Variants in ARHGAP15 observed in about 807,000 individuals in gnomAD.
The protein encoded by ARHGAP15 is rho GTPase-activating protein 15.
Under a neutral mutation model 63.7 loss-of-function variants are expected in ARHGAP15, and 51 were observed. The ratio of observed to expected loss-of-function variants is 0.80; its 90% confidence interval spans 0.64 to 1.01. ARHGAP15 has a LOEUF of 1.01. ARHGAP15 is among the 50% of genes least tolerant of loss of function. ARHGAP15 has a pLI of 0.00. For synonymous variants in ARHGAP15, 191 were observed against 193.8 expected, an observed-to-expected ratio of 0.99 and a Z score of 0.12; for missense variants, 560 against 564.6, an observed-to-expected ratio of 0.99 and a Z score of 0.08.
intron 8 of ARHGAP15, among the ~76,000 whole-genome samples, chr2:143,478,938 T>TA (rs1691950261): frequency 6.6e-6 from 1 of 152,210 alleles, no homozygotes; most frequent in African/African-American, 2.4e-5. Flanking sequence ...TATTCTTTAC[T>TA]AAAGATACAT....
intron 13 of ARHGAP15, among the ~76,000 whole-genome samples, chr2:143,743,068 C>T (rs990160654): frequency 6.6e-5 from 10 of 152,016 alleles, no homozygotes; most frequent in South Asian, 2.1e-4. Flanking sequence ...AAGAGAGCGG[C>T]GACTGAGGAA....
chr2:143,355,612 A>AT (rs1345153690), intron 6 of ARHGAP15, among the ~76,000 whole-genome samples: 1 of 152,192 alleles, frequency 6.6e-6, no homozygotes, highest in Non-Finnish European at 1.5e-5. Flanking sequence ...AAGAAATAAC[A>AT]TTCAAGGAAT....
intron 11 of ARHGAP15, among the ~76,000 whole-genome samples, chr2:143,578,589 G>A (rs1696768763): frequency 6.6e-6 from 1 of 152,040 alleles, no homozygotes; most frequent in African/African-American, 2.4e-5. Flanking sequence ...GTAGTTTTTT[G>A]GTTGATAATT....
chr2:143,252,882 G>A (rs540797778), intron 6 of ARHGAP15, among the ~76,000 whole-genome samples: 7 of 152,120 alleles, frequency 4.6e-5, no homozygotes, highest in African/African-American at 9.6e-5. Context: ...TTAGCTGGTC[G>A]AACTCTCAAA....
intron 13 of ARHGAP15, among the ~76,000 whole-genome samples, chr2:143,766,448 T>C (rs925431068): frequency 2.0e-5 from 3 of 152,120 alleles, no homozygotes; most frequent in African/African-American, 4.8e-5. Flanking sequence ...TACTTCACAA[T>C]GGCCCCCAAC....
intron 6 of ARHGAP15, among the ~76,000 whole-genome samples, chr2:143,402,174 A>G (rs1343963305): frequency 6.6e-6 from 1 of 151,918 alleles, no homozygotes; most frequent in African/African-American, 2.4e-5. Context: ...TTGATAGGTA[A>G]CACCTCAGTG....
At chr2:143,646,119 C>A (rs1290107651) in intron 12 of ARHGAP15, among the ~76,000 whole-genome samples, 3 of 151,960 alleles carry the variant, frequency 2.0e-5, no homozygotes, top group African/African-American at 7.2e-5. Context: ...CACAGTCCAG[C>A]AGGGGAAACA....
At chr2:143,258,392 A>G (rs1032985902) in intron 6 of ARHGAP15, among the ~76,000 whole-genome samples, 1 of 152,270 alleles carries the variant, frequency 6.6e-6, no homozygotes, top group East Asian at 1.9e-4. Context: ...GCATCCATAA[A>G]CAAAGGCTTG....
intron 6 of ARHGAP15, among the ~76,000 whole-genome samples, chr2:143,275,824 T>G (rs1215842354): frequency 6.6e-6 from 1 of 152,218 alleles, no homozygotes; most frequent in South Asian, 2.1e-4. Flanking sequence ...TTAACACCAC[T>G]GTTCATTTGT....
At chr2:143,643,583 C>T (rs1050519300) in intron 12 of ARHGAP15, among the ~76,000 whole-genome samples, 2 of 151,970 alleles carry the variant, frequency 1.3e-5, no homozygotes, top group Non-Finnish European at 2.9e-5. Flanking sequence ...GTCTAGGAAT[C>T]TCTTTTTACA....
At chr2:143,650,046 GT>G (rs144902999) in intron 12 of ARHGAP15, among the ~76,000 whole-genome samples, 6 of 151,328 alleles carry the variant, frequency 4.0e-5, no homozygotes, top group South Asian at 2.1e-4. Context: ...GTTGTTGGAG[GT>G]TTTTTTTCTT....
At chr2:143,185,099 C>CA (rs1370676163) in intron 2 of ARHGAP15, among the ~76,000 whole-genome samples, 1 of 152,080 alleles carries the variant, frequency 6.6e-6, no homozygotes, top group African/African-American at 2.4e-5. Context: ...GCTCTGCTTT[C>CA]ACAAAATGAG....
At chr2:143,549,333 G>T (rs889112866) in intron 10 of ARHGAP15, among the ~76,000 whole-genome samples, 1 of 152,082 alleles carries the variant, frequency 6.6e-6, no homozygotes, top group Admixed American at 6.6e-5. Context: ...AATGGATAAT[G>T]GTGCTGAAAA....
At chr2:143,463,067 A>AT (rs1188774429) in intron 8 of ARHGAP15, among the ~76,000 whole-genome samples, 11 of 151,828 alleles carry the variant, frequency 7.2e-5, no homozygotes, top group Non-Finnish European at 1.2e-4. Context: ...GAAACATGAG[A>AT]TATTTTTGTG....
intron 11 of ARHGAP15, among the ~76,000 whole-genome samples, chr2:143,560,540 G>C (rs1695975563): frequency 6.6e-6 from 1 of 152,194 alleles, no homozygotes; most frequent in Non-Finnish European, 1.5e-5. Context: ...CCATTATTCT[G>C]CATTTCCAAT....
chr2:143,198,903 C>T (rs1169036632), intron 2 of ARHGAP15, among the ~76,000 whole-genome samples: 1 of 152,080 alleles, frequency 6.6e-6, no homozygotes, highest in Non-Finnish European at 1.5e-5. Context: ...GAATGGGAAT[C>T]TAGTTGGGTT....
chr2:143,425,261 A>G lies in ARHGAP15; in HGVS notation c.475-10340A>G, dbSNP rs149971887. Among the ~76,000 whole-genome samples, 266 of 152,178 alleles carry G rather than the reference A, an allele frequency of 1.7e-3. 1 individual carries two copies. The highest frequency in any genetic ancestry group is 6.8e-3 in the Middle Eastern group (2 of 294). On this transcript the variant is annotated intron_variant, in intron 6 of 13. Coordinates refer to ENST00000295095, the MANE Select transcript of ARHGAP15 (RefSeq NM_018460.4). ...GCCTGTTGCTCAATTGACAGATGTC[A>G]TTGTCTATTATAGAGTCACAGGTGG...
intron 12 of ARHGAP15, among the ~76,000 whole-genome samples, chr2:143,684,080 C>T (rs1375710728): frequency 2.8e-5 from 4 of 142,232 alleles, no homozygotes; most frequent in Non-Finnish European, 4.7e-5. Context: ...CATTTATCTC[C>T]TAAAGATTTT....
At chr2:143,762,564 ACT>A (rs1686798098) in intron 13 of ARHGAP15, among the ~76,000 whole-genome samples, 2 of 152,118 alleles carry the variant, frequency 1.3e-5, no homozygotes, top group African/African-American at 4.8e-5. Context: ...ACATTTTCAG[ACT>A]TGTATATGGT....
Sources: gnomAD v4.1 joint callset for allele counts (sites outside exome capture counted in the v4.1 genomes callset) on GRCh38, gnomAD v4.1.1 for gene constraint, MANE v1.5 for transcripts, NCBI Gene and HGNC (gene_info 2026-07-23, HGNC 2026-07-21) for gene names.